RAB12: variants seen among roughly 807,000 people sequenced by gnomAD.
The protein encoded by RAB12 is RAB12, member RAS oncogene family.
In RAB12, 11 loss-of-function variants were observed where a neutral mutation model predicts 28.4. The observed-to-expected ratio is 0.39, with a 90% confidence interval of 0.24 to 0.64. RAB12 has a LOEUF of 0.64. Ranked by LOEUF, RAB12 falls within the 30% of genes least tolerant of loss-of-function variation. The probability of loss-of-function intolerance (pLI) is 0.50; values close to 1 mark genes in which losing one functional copy is unlikely to be tolerated. For synonymous variants in RAB12, 138 were observed against 145.3 expected, an observed-to-expected ratio of 0.95 and a Z score of 0.36; for missense variants, 276 against 351.1, an observed-to-expected ratio of 0.79 and a Z score of 1.71.
At chr18:8,614,278 A>G (rs16953891) in intron 1 of RAB12, among the ~76,000 whole-genome samples, 22,597 of 152,066 alleles carry the variant, frequency 0.15, 1,875 homozygotes, top group South Asian at 0.21. Flanking sequence ...TTGCCTTTTG[A>G]ATTAAAATAA....
chr18:8,634,658 C>T (rs758435831), intron 3 of RAB12, among the ~76,000 whole-genome samples: 44 of 151,974 alleles, frequency 2.9e-4, no homozygotes, highest in Admixed American at 7.9e-4. Context: ...TTTCACCTTA[C>T]TTGAGTGAGA....
In RAB12 at chr18:8,633,188, G is replaced by A; in HGVS notation, c.576-1G>A. ...AACTGACTTTGGCTGCTTTTTCTTA[G>A]GGACACAGCAGGTCAGGAGAGATTC... On this transcript the variant is annotated splice_acceptor_variant, in intron 2 of 5. Transcript: ENST00000649141. LOFTEE classifies it high-confidence loss of function. The A allele has an allele frequency of 6.2e-7, 1 of 1,613,856 alleles. No homozygotes were observed. The highest frequency in any genetic ancestry group is 8.5e-7 in the Non-Finnish European group (1 of 1,179,972).
chr18:8,613,572 AAAACAACTCC>A (rs1303120017), intron 1 of RAB12, among the ~76,000 whole-genome samples: 1 of 152,228 alleles, frequency 6.6e-6, no homozygotes, highest in Non-Finnish European at 1.5e-5. Flanking sequence ...TATATTTCAA[AAAACAACTCC>A]ATAAAATTAC....
intron 5 of RAB12, among the ~76,000 whole-genome samples, chr18:8,637,109 T>A (rs2096019384): frequency 6.6e-6 from 1 of 151,786 alleles, no homozygotes; most frequent in Non-Finnish European, 1.5e-5. Flanking sequence ...ACAAAAAAAA[T>A]TTAAAAATTA....
chr18:8,623,110 C>A (rs2096010832), intron 1 of RAB12, among the ~76,000 whole-genome samples: 1 of 152,174 alleles, frequency 6.6e-6, no homozygotes, highest in Non-Finnish European at 1.5e-5. Context: ...AGGCAACATA[C>A]ATCCTCCTCG....
At chr18:8,622,293 A>C (rs1273282422) in intron 1 of RAB12, among the ~76,000 whole-genome samples, 2 of 152,258 alleles carry the variant, frequency 1.3e-5, no homozygotes, top group African/African-American at 4.8e-5. Flanking sequence ...ATTGGAAACA[A>C]AAGTAAAATA....
rs550139236 is a variant in RAB12 at position 8,621,419 on chromosome 18, A to T, written c.515-3519A>T. Reference sequence around the variant, plus strand: ...GTTTCCAGTCATTGCAGGCTACTTAATGTCTGTTAGATGTGGTATAGGTAT... The same window carrying T: ...GTTTCCAGTCATTGCAGGCTACTTATTGTCTGTTAGATGTGGTATAGGTAT... On this transcript the variant is annotated intron_variant, in intron 1 of 5. Coordinates refer to ENST00000649141, the MANE Select transcript of RAB12 (RefSeq NM_001025300.3). 1.4e-4 allele frequency among the ~76,000 whole-genome samples: 22 copies of T among 152,304 alleles called. 1 individual carries two copies. The South Asian group carries it at 4.6e-3, about 32-fold the overall frequency.
rs1470670412 is a variant in RAB12 at position 8,638,659 on chromosome 18, G to T, written c.*397G>T. On this transcript the variant is annotated 3_prime_UTR_variant, in exon 6 of 6. Transcript: ENST00000649141. ...TTGCTTACCGTTTTAAAGAAAATTTGTAAAACTAAAGACTTTTTGAAAAAA... is the reference window on the plus strand; with the variant it reads ...TTGCTTACCGTTTTAAAGAAAATTTTTAAAACTAAAGACTTTTTGAAAAAA... 6.5e-6 allele frequency: 1 copy of T among 154,508 alleles called. No individual in the cohort carries two copies. The highest frequency in any genetic ancestry group is 1.4e-5 in the Non-Finnish European group (1 of 69,404). The allele number at this position is 154,508 out of a possible 1,614,324, so 9.6% of individuals were successfully genotyped here.
At chr18:8,610,368 C>G (rs1441877475) in intron 1 of RAB12, among the ~76,000 whole-genome samples, 1 of 152,266 alleles carries the variant, frequency 6.6e-6, no homozygotes, top group Non-Finnish European at 1.5e-5. Context: ...GGTGTGATCC[C>G]TGCGCAACCA....
chr18:8,620,759 G>A (rs894224974), intron 1 of RAB12, among the ~76,000 whole-genome samples: 1 of 152,156 alleles, frequency 6.6e-6, no homozygotes, highest in Non-Finnish European at 1.5e-5. Context: ...GGGCAGGCAC[G>A]TAGCCTGTCG....
chr18:8,629,839 G>A (rs949603803), intron 2 of RAB12, among the ~76,000 whole-genome samples: 1 of 152,216 alleles, frequency 6.6e-6, no homozygotes, highest in Non-Finnish European at 1.5e-5. Flanking sequence ...GCTGTGTGGT[G>A]AGAGGCTCTG....
intron 1 of RAB12, among the ~76,000 whole-genome samples, chr18:8,618,153 G>A (rs189585388): frequency 5.5e-4 from 84 of 152,196 alleles, no homozygotes; most frequent in African/African-American, 2.0e-3. Context: ...AGTCCGTGGT[G>A]TCATTGTTTG....
At position 8,609,671 on chromosome 18, in the gene RAB12, C is replaced by T; in HGVS notation, c.232C>T (p.Arg78Cys). Reference protein sequence around the residue: ...EAEGAPGPGARSRGAGGGGRR... With the variant: ...EAEGAPGPGACSRGAGGGGRR... ...CGAGGGGGCGCCGGGGCCCGGGGCG[C>T]GCAGCCGGGGGGCGGGCGGCGGCGG... The change falls in exon 1 of 6, where the codon CGC (arginine) becomes TGC (cysteine). Residue 78 changes from arginine (R) to cysteine (C), a missense_variant. This residue lies in a region of RAB12 where 72 missense variants were observed against 55.5 expected (regional missense o/e 1.30). Transcript: ENST00000649141. The T allele has an allele frequency of 2.2e-6, 2 of 903,104 alleles. No individual in the cohort carries two copies. The highest frequency in any genetic ancestry group is 2.6e-6 in the Non-Finnish European group (2 of 757,870). 55.9% of individuals were successfully genotyped at this position (903,104 alleles called of 1,614,324 possible).
chr18:8,609,707 G>C lies in RAB12; in HGVS notation c.268G>C (p.Glu90Gln), dbSNP rs2096002578. Residue 90 changes from glutamate to glutamine, a missense_variant, in exon 1 of 6, where the codon GAG (glutamate) becomes CAG (glutamine). Coordinates refer to ENST00000649141, the MANE Select transcript of RAB12 (RefSeq NM_001025300.3). ...RGAGGGGRRA[E>Q]REPHACMDPG... The stretch of plus-strand genomic sequence containing the variant: ...GGCGGGCGGCGGCGGGCGGCGGGCC[G>C]AGCGGGAGCCGCATGCGTGTATGGA... 9.7e-7 allele frequency: 1 copy of C among 1,034,922 alleles called. No individual in the cohort carries two copies. Among genetic ancestry groups the C allele is most frequent in the African/African-American group, 1.7e-5 (1 of 58,018 alleles). 64.1% of individuals were successfully genotyped at this position (1,034,922 alleles called of 1,614,324 possible).
chr18:8,635,461 C>A, intron 3 of RAB12, 72 bp from the exon 4 acceptor site: 1 of 1,078,694 alleles, frequency 9.3e-7, no homozygotes, highest in Non-Finnish European at 1.4e-6. Flanking sequence ...AATACTGTAT[C>A]GGTTTATATT....
In RAB12 at chr18:8,609,647, G is replaced by A. The variant is rs1279391555; in HGVS notation, c.208G>A (p.Glu70Lys). 3 of 751,238 alleles carry A rather than the reference G, an allele frequency of 4.0e-6. No homozygotes were observed. Among genetic ancestry groups the A allele is most frequent in the East Asian group, 1.3e-4 (1 of 7,564 alleles). The allele number at this position is 751,238 out of a possible 1,614,324, so 46.5% of individuals were successfully genotyped here. A position where few individuals can be genotyped will look rare whatever the true frequency, so the allele number is the denominator to read the frequency against. ...CGACCCCCCGCGCGCGGCGGAGGCC[G>A]AGGGGGCGCCGGGGCCCGGGGCGCG... is the stretch of plus-strand genomic sequence containing the variant. ...GADPPRAAEA[E>K]GAPGPGARSR... The change falls in exon 1 of 6, where the codon GAG becomes AAG. Residue 70 changes from glutamate to lysine, a missense_variant. Glu to Lys is a moderately conservative substitution (Grantham distance 56). Transcript: ENST00000649141.
At chr18:8,631,445 A>G (rs2096015931) in intron 2 of RAB12, among the ~76,000 whole-genome samples, 2 of 152,190 alleles carry the variant, frequency 1.3e-5, no homozygotes. Flanking sequence ...GGGGCCAAGA[A>G]TAGTGCCCGG....
Position 8,614,415 on chromosome 18 carries a change from ATTC to A in RAB12, c.514+4464_514+4466del, listed in dbSNP as rs1468934698. Among the ~76,000 whole-genome samples, 4 of 152,012 alleles carry A rather than the reference ATTC, an allele frequency of 2.6e-5. No individual in the cohort carries two copies. The East Asian group carries it at 7.7e-4, about 29-fold the overall frequency. ...TCAAAGAAAGGCAATCTGGACCAGA[ATTC>A]TGATTTTTCTGGGTAGTAAAGTTTC... is the stretch of plus-strand genomic sequence containing the variant. On this transcript the variant is annotated intron_variant, in intron 1 of 5. Transcript: ENST00000649141.
At chr18:8,622,262 A>G (rs2096010288) in intron 1 of RAB12, among the ~76,000 whole-genome samples, 1 of 152,250 alleles carries the variant, frequency 6.6e-6, no homozygotes, top group Non-Finnish European at 1.5e-5. Context: ...TTACATTTTA[A>G]AAACTAACTT....
Sources: gnomAD v4.1 joint callset for allele counts (sites outside exome capture counted in the v4.1 genomes callset) on GRCh38, gnomAD v4.1.1 for gene constraint, gnomAD v4.1.1 regional missense constraint, MANE v1.5 for transcripts, NCBI Gene and HGNC (gene_info 2026-07-23, HGNC 2026-07-21) for gene names.